ZNF665: variants seen among roughly 807,000 people sequenced by gnomAD.
ZNF665 encodes zinc finger protein 665.
A neutral mutation model predicts 7.9 loss-of-function variants in ZNF665; 6 were observed. That is an observed-to-expected ratio of 0.76 (90% CI 0.42 to 1.50). The LOEUF (loss-of-function observed/expected upper bound fraction) is 1.50, where lower values mean the gene tolerates loss of function less well. ZNF665 is among the 40% of genes most tolerant of loss of function. ZNF665 has a pLI of 0.01. For synonymous variants in ZNF665, 242 were observed against 274.5 expected (o/e 0.88, Z 1.17); for missense variants, 819 against 806.7 (o/e 1.02, Z -0.18).
chr19:53,182,108 C>CTG (rs1367057377), intron 2 of ZNF665: 1 of 152,862 alleles, frequency 6.5e-6, no homozygotes, highest in Non-Finnish European at 1.5e-5. Context: ...TAGTTCACGC[C>CTG]TGTAATCCCA....
rs372050959 is a variant in ZNF665 at position 53,165,158 on chromosome 19, G to C, written c.1332C>G (p.Ser444Arg). Residue 444 changes from serine to arginine, a missense_variant, in exon 4 of 4, where the codon AGC becomes AGG. Physicochemically the swap from Ser to Arg is moderately radical, Grantham distance 110. Transcript: ENST00000396424. The part of the protein sequence containing the change: ...ECGKAFSVRS[S>R]LTTHQAIHTG... The stretch of plus-strand genomic sequence containing the variant: ...TATGAATTGCCTGATGGGTAGTTAG[G>C]CTTGATCGCACACTAAAGGCTTTGC... 2 of 1,614,062 alleles carry C rather than the reference G, an allele frequency of 1.2e-6. No individual in the cohort carries two copies. Among genetic ancestry groups the C allele is most frequent in the Admixed American group, 1.7e-5 (1 of 60,014 alleles).
intron 3 of ZNF665, among the ~76,000 whole-genome samples, chr19:53,167,432 T>C (rs190958017): frequency 6.6e-6 from 1 of 151,264 alleles, no homozygotes; most frequent in East Asian, 2.0e-4. Context: ...CAGGAAGTTA[T>C]AGTCTGTGGA....
chr19:53,190,155 A>G (rs184864319), intron 1 of ZNF665: 2 of 152,380 alleles, frequency 1.3e-5, no homozygotes, highest in Non-Finnish European at 1.5e-5. Flanking sequence ...ATTTTATTAT[A>G]CTGGAACAGC....
At position 53,167,058 on chromosome 19, in the gene ZNF665, G is replaced by C. The variant is rs535774696; in HGVS notation, c.143-711C>G. ...GCTCTTGTTGCCCAGGCTGGAGTGA[G>C]TGGTGCAATCTCGGCTCACCGCAAC... On this transcript the variant is annotated intron_variant, in intron 3 of 3. Transcript: ENST00000396424. 5.9e-5 allele frequency among the ~76,000 whole-genome samples: 9 copies of C among 152,110 alleles called. No individual in the cohort carries two copies. In the South Asian group the frequency reaches 1.9e-3, roughly 32 times the overall value.
At chr19:53,181,140 C>A (rs2090734667) in intron 2 of ZNF665, 1 of 152,096 alleles carries the variant, frequency 6.6e-6, no homozygotes, top group African/African-American at 2.4e-5. Context: ...AGAAAATGGG[C>A]TGGGCATGAT....
rs775550455 is a variant in ZNF665 at position 53,182,958 on chromosome 19, AAGAGAC to A, written c.-45-21_-45-16del. 1.8e-5 allele frequency: 28 copies of A among 1,597,564 alleles called. No homozygotes were observed. In the Admixed American group the frequency reaches 2.7e-4, roughly 15 times the overall value. On this transcript the variant is annotated splice_polypyrimidine_tract_variant and intron_variant, in intron 1 of 3. Coordinates refer to ENST00000396424, the MANE Select transcript of ZNF665 (RefSeq NM_024733.5). Reference sequence around the variant, plus strand: ...CAGGGTTCTACCTTGGGTAACATGAAAGAGACTTTAGAATTCAATCCTGAATGTCAA... The same window carrying A: ...CAGGGTTCTACCTTGGGTAACATGAATTTAGAATTCAATCCTGAATGTCAA...
At chr19:53,184,536 C>G (rs1172770348) in intron 1 of ZNF665, among the ~76,000 whole-genome samples, 1 of 152,026 alleles carries the variant, frequency 6.6e-6, no homozygotes, top group African/African-American at 2.4e-5. Flanking sequence ...CAAAGGATTC[C>G]AGTGTTCAAG....
intron 3 of ZNF665, among the ~76,000 whole-genome samples, chr19:53,171,484 A>G (rs1199346658): frequency 4.7e-5 from 5 of 106,862 alleles, no homozygotes; most frequent in African/African-American, 1.5e-4. Context: ...TTATATCTTT[A>G]CATTTGTGTG....
At chr19:53,175,301 T>A in intron 3 of ZNF665, 144 bp downstream of exon 3, 1 of 1,046,984 alleles carries the variant, frequency 9.6e-7, no homozygotes, top group Non-Finnish European at 1.4e-6. Context: ...AAAGTCCAGA[T>A]CCTGCATGAT....
intron 2 of ZNF665, chr19:53,181,491 G>C (rs551187579): frequency 1.3e-5 from 2 of 152,002 alleles, no homozygotes; most frequent in South Asian, 4.2e-4. Flanking sequence ...GAGCATGCCT[G>C]AGCTGAGACC....
Position 53,164,899 on chromosome 19 carries a change from T to C in ZNF665, c.1591A>G (p.Ile531Val), listed in dbSNP as rs1369590210. Residue 531 changes from isoleucine to valine, a missense_variant, in exon 4 of 4, where the codon ATA becomes GTA. Physicochemically the swap from Ile to Val is conservative, Grantham distance 29. Coordinates refer to ENST00000396424, the MANE Select transcript of ZNF665 (RefSeq NM_024733.5). ...TGTCCAGTATGTATTGTCTGATGTA[T>C]AGTTAGGCTTGAATGAACACTAAAG... ...KAFSVHSSLT[I>V]HQTIHTGQKP... is the part of the protein sequence containing the mutation. 7 of 1,614,210 alleles carry C rather than the reference T, an allele frequency of 4.3e-6. No homozygotes were observed. Among genetic ancestry groups the C allele is most frequent in the Non-Finnish European group, 5.9e-6 (7 of 1,180,032 alleles).
intron 1 of ZNF665, among the ~76,000 whole-genome samples, chr19:53,184,933 G>C (rs2090766102): frequency 6.6e-6 from 1 of 151,972 alleles, no homozygotes; most frequent in Non-Finnish European, 1.5e-5. Flanking sequence ...AGAGAGAGAG[G>C]AGAAAGAGAG....
chr19:53,168,173 CT>C (rs2090632529), intron 3 of ZNF665, among the ~76,000 whole-genome samples: 2 of 149,482 alleles, frequency 1.3e-5, no homozygotes, highest in African/African-American at 4.9e-5. Context: ...ATAAAACTGT[CT>C]TTATTTGCAG....
rs559679941 is a variant in ZNF665, at chr19:53,178,806, T to C, written c.16-3235A>G. Among the ~76,000 whole-genome samples the C allele has an allele frequency of 8.5e-5, 13 of 152,316 alleles. No individual in the cohort carries two copies. In the South Asian group the frequency reaches 2.3e-3, roughly 27 times the overall value. On this transcript the variant is annotated intron_variant, in intron 2 of 3. Transcript: ENST00000396424. ...TAGAAAGATACAGTAAAAAGTAGTG[T>C]CTGTCTCTTTGCATAAAGTAGTATA...
chr19:53,170,111 T>C (rs1393924004), intron 3 of ZNF665, among the ~76,000 whole-genome samples: 1 of 148,058 alleles, frequency 6.8e-6, no homozygotes, highest in East Asian at 2.0e-4. Context: ...ATCGCCACAC[T>C]GACTTCCACA....
At position 53,179,010 on chromosome 19, in the gene ZNF665, C is replaced by T. The variant is rs1013143132; in HGVS notation, c.16-3439G>A. Among the ~76,000 whole-genome samples the T allele has an allele frequency of 2.6e-5, 4 of 152,258 alleles. No homozygotes were observed. In the South Asian group the frequency reaches 8.3e-4, roughly 32 times the overall value. On this transcript the variant is annotated intron_variant, in intron 2 of 3. Transcript: ENST00000396424. ...AAAAGCACATGTAAAAACCTAATTT[C>T]AGCACTGAATTCAGGACTTTCTCAC...
intron 3 of ZNF665, among the ~76,000 whole-genome samples, chr19:53,174,635 T>G (rs1284018020): frequency 6.6e-6 from 1 of 151,928 alleles, no homozygotes; most frequent in Non-Finnish European, 1.5e-5. Flanking sequence ...AAGGAGAGAT[T>G]CCTGCTTATG....
intron 3 of ZNF665, among the ~76,000 whole-genome samples, chr19:53,173,854 G>T (rs142317602): frequency 6.6e-6 from 1 of 152,226 alleles, no homozygotes; most frequent in East Asian, 1.9e-4. Context: ...CATGCCCGAT[G>T]TAGGACTGGG....
Position 53,164,330 on chromosome 19 carries a change from G to A in ZNF665, c.*123C>T, listed in dbSNP as rs1308875403. On this transcript the variant is annotated 3_prime_UTR_variant, in exon 4 of 4. Coordinates refer to ENST00000396424, the MANE Select transcript of ZNF665 (RefSeq NM_024733.5). ...TTTTTGTATTTTTAGTAGAGACAGCGTTTCACCGTGTTGGCCAGCCTGGTC... is the reference window on the plus strand; with the variant it reads ...TTTTTGTATTTTTAGTAGAGACAGCATTTCACCGTGTTGGCCAGCCTGGTC... 43 of 733,518 alleles carry A rather than the reference G, an allele frequency of 5.9e-5. No homozygotes were observed. The highest frequency in any genetic ancestry group is 8.3e-5 in the East Asian group (3 of 36,254). The allele number at this position is 733,518 out of a possible 1,614,324, so 45.4% of individuals were successfully genotyped here.
Sources: allele counts gnomAD v4.1 joint callset (sites outside exome capture counted in the v4.1 genomes callset), GRCh38; gene constraint gnomAD v4.1.1; transcripts MANE v1.5; gene names NCBI Gene and HGNC (gene_info 2026-07-23, HGNC 2026-07-21).